The following ADAMTS2 variants were observed in gnomAD, a reference collection of about 807,000 sequenced individuals.
ADAMTS2 encodes the protein A disintegrin and metalloproteinase with thrombospondin motifs 2.
Under a neutral mutation model 123.0 loss-of-function variants are expected in ADAMTS2, and 50 were observed. The ratio of observed to expected loss-of-function variants is 0.41; its 90% confidence interval spans 0.32 to 0.51. The LOEUF (loss-of-function observed/expected upper bound fraction) is 0.51. ADAMTS2 is among the 20% of genes least tolerant of loss of function. ADAMTS2 has a pLI of 0.35. For synonymous variants in ADAMTS2, 678 were observed against 695.4 expected (o/e 0.98, Z 0.39); for missense variants, 1,494 against 1,705.2 (o/e 0.88, Z 2.18).
At chr5:179,325,373 G>C (rs981207504) in intron 2 of ADAMTS2, among the ~76,000 whole-genome samples, 1 of 152,192 alleles carries the variant, frequency 6.6e-6, no homozygotes, top group African/African-American at 2.4e-5. Flanking sequence ...TGGGAGAAAC[G>C]GGGGCAGGGA....
chr5:179,275,558 T>C (rs1184297541), intron 2 of ADAMTS2, among the ~76,000 whole-genome samples: 2 of 150,682 alleles, frequency 1.3e-5, no homozygotes, highest in Non-Finnish European at 3.0e-5. Flanking sequence ...TGCCGGGGAG[T>C]GGAGGGGGAT....
chr5:179,139,176 C>T (rs1315595724), intron 11 of ADAMTS2, among the ~76,000 whole-genome samples: 2 of 152,100 alleles, frequency 1.3e-5, no homozygotes, highest in African/African-American at 4.8e-5. Flanking sequence ...GTTCTCCCTC[C>T]ATGCCAGCCC....
intron 10 of ADAMTS2, among the ~76,000 whole-genome samples, chr5:179,146,981 A>G (rs530790118): frequency 1.1e-4 from 17 of 152,372 alleles, no homozygotes; most frequent in African/African-American, 3.8e-4. Context: ...ACATTTCTGC[A>G]TCTCGCTTTC....
At chr5:179,148,946 G>A (rs540796585) in intron 10 of ADAMTS2, among the ~76,000 whole-genome samples, 1 of 91,388 alleles carries the variant, frequency 1.1e-5, no homozygotes, top group South Asian at 4.8e-4. Context: ...GCCCCTGGGG[G>A]GTCCTAGCCA....
At chr5:179,315,149 G>C (rs1756952783) in intron 2 of ADAMTS2, among the ~76,000 whole-genome samples, 1 of 149,928 alleles carries the variant, frequency 6.7e-6, no homozygotes, top group Admixed American at 6.7e-5. Context: ...CCCTGCCTCA[G>C]ACCCTCCCAC....
Position 179,234,572 on chromosome 5 carries a change from G to A in ADAMTS2, c.689-26857C>T, listed in dbSNP as rs1033625553. ...CTCCAGACCCCGCCCCCTGCTGCCT[G>A]CAACTGCCCCTGGGGTGTCACAAGG... On this transcript the variant is annotated intron_variant, in intron 3 of 21. Transcript: ENST00000251582. This position sits in a 1 kb window ranked among gnomAD's most constrained non-coding sequence, Gnocchi z 4.7. Among the ~76,000 whole-genome samples the A allele has an allele frequency of 2.0e-5, 3 of 149,756 alleles. No homozygotes were observed. The highest frequency in any genetic ancestry group is 5.0e-5 in the African/African-American group (2 of 40,314).
chr5:179,256,408 T>G lies in ADAMTS2; in HGVS notation c.688+16503A>C, dbSNP rs992944663. On this transcript the variant is annotated intron_variant, in intron 3 of 21. Transcript: ENST00000251582. The surrounding 1 kb of genome is among the most constrained non-coding windows in gnomAD (Gnocchi z 4.1). Reference sequence around the variant, plus strand: ...TCCAGAGACAGGACAGACCCTGGGCTCCTGGTGCCCAGCTCAGGGAAGCTC... The same window carrying G: ...TCCAGAGACAGGACAGACCCTGGGCGCCTGGTGCCCAGCTCAGGGAAGCTC... Among the ~76,000 whole-genome samples, 1 of 152,140 alleles carries G rather than the reference T, an allele frequency of 6.6e-6. No homozygotes were observed. Among genetic ancestry groups the G allele is most frequent in the Non-Finnish European group, 1.5e-5 (1 of 68,022 alleles).
chr5:179,127,814 G>T, intron 17 of ADAMTS2, 145 bp downstream of exon 17: 40 of 913,952 alleles, frequency 4.4e-5, no homozygotes, highest in Non-Finnish European at 5.3e-5. Context: ...CCCCTCCATT[G>T]CCGCTAAGCC....
chr5:179,154,194 T>C lies in ADAMTS2; in HGVS notation c.1239-2A>G. 3 of 1,551,154 alleles carry C rather than the reference T, an allele frequency of 1.9e-6. No individual in the cohort carries two copies. Among genetic ancestry groups the C allele is most frequent in the Non-Finnish European group, 2.6e-6 (3 of 1,155,150 alleles). On this transcript the variant is annotated splice_acceptor_variant, in intron 7 of 21. Coordinates refer to ENST00000251582, the MANE Select transcript of ADAMTS2 (RefSeq NM_014244.5). LOFTEE classifies it high-confidence loss of function. ...TGCCCGTCGTGCTCCATGCCCAGCCTGCGAGGGCCGAGGCAGCTGGCTGAA... is the reference window on the plus strand; with the variant it reads ...TGCCCGTCGTGCTCCATGCCCAGCCCGCGAGGGCCGAGGCAGCTGGCTGAA...
Position 179,328,318 on chromosome 5 carries a change from C to T in ADAMTS2, c.534+15449G>A, listed in dbSNP as rs112262770. Reference sequence around the variant, plus strand: ...AAGTGCTGGGATTGCAGGCGTGAGCCACCGCACCCGGCAAGAGATTTATTT... The same window carrying T: ...AAGTGCTGGGATTGCAGGCGTGAGCTACCGCACCCGGCAAGAGATTTATTT... On this transcript the variant is annotated intron_variant, in intron 2 of 21. Coordinates refer to ENST00000251582, the MANE Select transcript of ADAMTS2 (RefSeq NM_014244.5). 9.8e-3 allele frequency among the ~76,000 whole-genome samples: 1,493 copies of T among 152,348 alleles called. 21 individuals carry two copies. The highest frequency in any genetic ancestry group is 0.034 in the African/African-American group (1,395 of 41,584).
In ADAMTS2 at chr5:179,155,123, C is replaced by A. The variant is rs572017296; in HGVS notation, c.1133-204G>T. 4.6e-5 allele frequency among the ~76,000 whole-genome samples: 7 copies of A among 152,254 alleles called. No individual in the cohort carries two copies. In the East Asian group the frequency reaches 5.8e-4, roughly 13 times the overall value. ...CATCTGGCTGACAGCAGGCCCCCAG[C>A]CCGTCACCACACAAGCCCCGTGGCC... On this transcript the variant is annotated intron_variant, in intron 6 of 21. Transcript: ENST00000251582. The surrounding 1 kb of genome is among the most constrained non-coding windows in gnomAD (Gnocchi z 5.1).
At chr5:179,231,606 A>G (rs994856808) in intron 3 of ADAMTS2, among the ~76,000 whole-genome samples, 2 of 152,224 alleles carry the variant, frequency 1.3e-5, no homozygotes, top group South Asian at 4.1e-4. Context: ...GAGAATTCTG[A>G]TAATAGGACA....
chr5:179,232,105 C>A (rs986646541), intron 3 of ADAMTS2, among the ~76,000 whole-genome samples: 1 of 152,092 alleles, frequency 6.6e-6, no homozygotes, highest in African/African-American at 2.4e-5. Context: ...AAAGTAAAAT[C>A]GATGCTCCAG....
At chr5:179,243,102 C>T (rs1272379548) in intron 3 of ADAMTS2, among the ~76,000 whole-genome samples, 1 of 150,336 alleles carries the variant, frequency 6.7e-6, no homozygotes, top group South Asian at 2.1e-4. Flanking sequence ...AGGAGGCTGA[C>T]AGCTCTATGA....
intron 10 of ADAMTS2, among the ~76,000 whole-genome samples, chr5:179,141,851 G>A (rs1763177991): frequency 2.6e-5 from 4 of 152,174 alleles, no homozygotes; most frequent in Admixed American, 2.6e-4. Context: ...CCACTCATAG[G>A]GCACAAGCTC....
In ADAMTS2 at chr5:179,113,814, G is replaced by A; in HGVS notation, c.*53C>T. On this transcript the variant is annotated 3_prime_UTR_variant, in exon 22 of 22. Transcript: ENST00000251582. ...ATGACACAGGATTTGCTATCCCATGGAATATCTCTATAAGCAAGAAAAAAA... is the reference window on the plus strand; with the variant it reads ...ATGACACAGGATTTGCTATCCCATGAAATATCTCTATAAGCAAGAAAAAAA... 1 of 1,556,418 alleles carries A rather than the reference G, an allele frequency of 6.4e-7. No individual in the cohort carries two copies. The highest frequency in any genetic ancestry group is 2.2e-5 in the East Asian group (1 of 44,542).
intron 21 of ADAMTS2, 113 bp downstream of exon 21, chr5:179,121,548 G>T: frequency 1.2e-6 from 1 of 857,660 alleles, no homozygotes; most frequent in Non-Finnish European, 1.8e-6. Context: ...GAGCGCGCCC[G>T]CAGAGTCAGG....
Position 179,113,683 on chromosome 5 carries a change from C to CACGT in ADAMTS2, c.*180_*183dup, listed in dbSNP as rs1434348242. Reference sequence around the variant, plus strand: ...TTGGTCGCTCCTGGGCTGGGAAGCACACGTGCTAACCTAGTTACCACATGC... The same window carrying CACGT: ...TTGGTCGCTCCTGGGCTGGGAAGCACACGTACGTGCTAACCTAGTTACCACATGC... On this transcript the variant is annotated 3_prime_UTR_variant, in exon 22 of 22. Coordinates refer to ENST00000251582, the MANE Select transcript of ADAMTS2 (RefSeq NM_014244.5). 6.0e-6 allele frequency: 4 copies of CACGT among 661,796 alleles called. No homozygotes were observed. The highest frequency in any genetic ancestry group is 1.0e-5 in the Non-Finnish European group (4 of 382,180). 41.0% of individuals were successfully genotyped at this position (661,796 alleles called of 1,614,324 possible). A position where few individuals can be genotyped will look rare whatever the true frequency, so the allele number is the denominator to read the frequency against.
chr5:179,173,838 C>A (rs1763875945), intron 5 of ADAMTS2, among the ~76,000 whole-genome samples: 1 of 151,952 alleles, frequency 6.6e-6, no homozygotes, highest in Non-Finnish European at 1.5e-5. Context: ...CTGGTGAAAC[C>A]CCATCTCTAC....
Sources: gnomAD v4.1 joint callset for allele counts (sites outside exome capture counted in the v4.1 genomes callset) on GRCh38, gnomAD v4.1.1 for gene constraint, Gnocchi (gnomAD v3.1) non-coding constraint, MANE v1.5 for transcripts, NCBI Gene and HGNC (gene_info 2026-07-23, HGNC 2026-07-21) for gene names.